SEMA3E: variants seen among roughly 807,000 people sequenced by gnomAD.
SEMA3E encodes the protein semaphorin-3E.
A neutral mutation model predicts 93.6 loss-of-function variants in SEMA3E; 49 were observed. The ratio of observed to expected loss-of-function variants is 0.52; its 90% confidence interval spans 0.42 to 0.66. The LOEUF (loss-of-function observed/expected upper bound fraction) is 0.66. Among genes scored for constraint, SEMA3E ranks in the 30% least tolerant of loss-of-function variants. SEMA3E has a pLI of 0.00. For synonymous variants in SEMA3E, 363 were observed against 330.7 expected (o/e 1.10, Z -1.06); for missense variants, 906 against 964.8 (o/e 0.94, Z 0.81).
chr7:83,521,769 G>A (rs1417765804), intron 1 of SEMA3E, among the ~76,000 whole-genome samples: 1 of 152,026 alleles, frequency 6.6e-6, no homozygotes, highest in Non-Finnish European at 1.5e-5. Flanking sequence ...AAGAAGGAGT[G>A]CCCTCCTGTC....
At chr7:83,625,382 T>G (rs899842307) in intron 1 of SEMA3E, among the ~76,000 whole-genome samples, 1 of 152,202 alleles carries the variant, frequency 6.6e-6, no homozygotes, top group African/African-American at 2.4e-5. Context: ...CATTTGTTTG[T>G]GTCCTCTCTT....
intron 1 of SEMA3E, among the ~76,000 whole-genome samples, chr7:83,602,704 T>C (rs1793023068): frequency 1.3e-5 from 2 of 152,046 alleles, no homozygotes; most frequent in Admixed American, 1.3e-4. Context: ...TCTCCATCTC[T>C]TGACCTTGTG....
intron 1 of SEMA3E, among the ~76,000 whole-genome samples, chr7:83,517,646 G>A (rs943747880): frequency 6.6e-6 from 1 of 152,070 alleles, no homozygotes; most frequent in African/African-American, 2.4e-5. Flanking sequence ...GAGAGAGGTA[G>A]CAGAAGCCTA....
At chr7:83,538,934 T>C (rs999161402) in intron 1 of SEMA3E, among the ~76,000 whole-genome samples, 5 of 152,214 alleles carry the variant, frequency 3.3e-5, no homozygotes, top group African/African-American at 1.2e-4. Flanking sequence ...GTTGGAGACT[T>C]AATTTCCTGG....
In SEMA3E at chr7:83,497,684, A is replaced by G. The variant is rs151161775; in HGVS notation, c.116-7410T>C. On this transcript the variant is annotated intron_variant, in intron 1 of 16. Coordinates refer to ENST00000643230, the MANE Select transcript of SEMA3E (RefSeq NM_012431.3). ...ATAAGCAATTAACTTTTTAAAAACT[A>G]TAAACACAGACTAGCTCATTGATTT... 4.8e-3 allele frequency among the ~76,000 whole-genome samples: 729 copies of G among 152,310 alleles called. 5 individuals carry two copies. Among genetic ancestry groups the G allele is most frequent in the African/African-American group, 0.017 (689 of 41,558 alleles).
At chr7:83,529,721 A>C (rs1469269022) in intron 1 of SEMA3E, among the ~76,000 whole-genome samples, 1 of 152,144 alleles carries the variant, frequency 6.6e-6, no homozygotes, top group Non-Finnish European at 1.5e-5. Flanking sequence ...CTGAAATGCT[A>C]GGTAGGGATA....
chr7:83,448,363 C>A (rs1366327310), intron 4 of SEMA3E, among the ~76,000 whole-genome samples: 1 of 152,100 alleles, frequency 6.6e-6, no homozygotes, highest in Non-Finnish European at 1.5e-5. Flanking sequence ...AAAAAAAATT[C>A]TGGCTGAGTG....
At chr7:83,608,033 A>C (rs1159477546) in intron 1 of SEMA3E, among the ~76,000 whole-genome samples, 2 of 152,052 alleles carry the variant, frequency 1.3e-5, no homozygotes, top group African/African-American at 4.8e-5. Flanking sequence ...CAACATGGTG[A>C]AACCGCGTCT....
At chr7:83,493,630 G>T (rs1424172991) in intron 1 of SEMA3E, among the ~76,000 whole-genome samples, 1 of 151,636 alleles carries the variant, frequency 6.6e-6, no homozygotes, top group Non-Finnish European at 1.5e-5. Context: ...TGAATGCTTC[G>T]GCTACTCTCT....
intron 1 of SEMA3E, among the ~76,000 whole-genome samples, chr7:83,532,734 CT>C (rs1791326994): frequency 6.6e-6 from 1 of 150,980 alleles, no homozygotes; most frequent in Admixed American, 6.6e-5. Flanking sequence ...ATCTTGAAGT[CT>C]TTTCCAGTTT....
At chr7:83,544,652 G>A (rs1791608420) in intron 1 of SEMA3E, among the ~76,000 whole-genome samples, 2 of 152,118 alleles carry the variant, frequency 1.3e-5, no homozygotes, top group South Asian at 4.1e-4. Flanking sequence ...GGGAAAAACT[G>A]AAGGTCATGA....
chr7:83,564,710 G>A (rs1480254351), intron 1 of SEMA3E, among the ~76,000 whole-genome samples: 2 of 152,052 alleles, frequency 1.3e-5, no homozygotes, highest in Non-Finnish European at 2.9e-5. Flanking sequence ...TTTAACACCT[G>A]ACTTGGTATC....
At chr7:83,491,610 G>A (rs1790386043) in intron 1 of SEMA3E, among the ~76,000 whole-genome samples, 2 of 151,786 alleles carry the variant, frequency 1.3e-5, no homozygotes, top group Admixed American at 1.3e-4. Context: ...TTTTGAGGGT[G>A]GGGAAAAAAG....
chr7:83,572,059 CAAAG>C (rs1398452448), intron 1 of SEMA3E, among the ~76,000 whole-genome samples: 1 of 151,922 alleles, frequency 6.6e-6, no homozygotes, highest in Non-Finnish European at 1.5e-5. Context: ...AAACACCTCT[CAAAG>C]AAGTTAGAGA....
At chr7:83,524,548 A>T (rs1439170990) in intron 1 of SEMA3E, among the ~76,000 whole-genome samples, 1 of 152,136 alleles carries the variant, frequency 6.6e-6, no homozygotes, top group Non-Finnish European at 1.5e-5. Flanking sequence ...TTAACACGTC[A>T]TTCATTGTAC....
chr7:83,647,135 G>C (rs1417266293), intron 1 of SEMA3E, among the ~76,000 whole-genome samples: 1 of 151,934 alleles, frequency 6.6e-6, no homozygotes, highest in Non-Finnish European at 1.5e-5. Context: ...TACCAATTTA[G>C]TATCAATGGA....
At chr7:83,546,782 A>T (rs1234891126) in intron 1 of SEMA3E, among the ~76,000 whole-genome samples, 1 of 152,112 alleles carries the variant, frequency 6.6e-6, no homozygotes, top group Non-Finnish European at 1.5e-5. Flanking sequence ...TGCACGTTCA[A>T]GTTATGAGTG....
intron 1 of SEMA3E, among the ~76,000 whole-genome samples, chr7:83,600,840 T>C (rs117689690): frequency 1.3e-5 from 2 of 152,322 alleles, no homozygotes; most frequent in Non-Finnish European, 2.9e-5. Flanking sequence ...TTACTTAGAC[T>C]AGACTCTAGA....
At chr7:83,418,144 G>C (rs1788593340) in intron 5 of SEMA3E, among the ~76,000 whole-genome samples, 1 of 152,048 alleles carries the variant, frequency 6.6e-6, no homozygotes, top group African/African-American at 2.4e-5. Context: ...AAATACATGA[G>C]ATATTAAACG....
Sources: allele counts gnomAD v4.1 joint callset (sites outside exome capture counted in the v4.1 genomes callset), GRCh38; gene constraint gnomAD v4.1.1; transcripts MANE v1.5; gene names NCBI Gene and HGNC (gene_info 2026-07-23, HGNC 2026-07-21).